Variants in FAM53A observed in about 807,000 individuals in gnomAD.
FAM53A encodes the protein family with sequence similarity 53 member A.
A neutral mutation model predicts 26.6 loss-of-function variants in FAM53A; 28 were observed. That is an observed-to-expected ratio of 1.05 (90% CI 0.78 to 1.45). FAM53A has a LOEUF of 1.45. Among genes scored for constraint, FAM53A ranks in the 40% most tolerant of loss-of-function variants. The probability of loss-of-function intolerance (pLI) is 0.00; values close to 1 mark genes in which losing one functional copy is unlikely to be tolerated. For synonymous variants in FAM53A, 290 were observed against 253.1 expected, an observed-to-expected ratio of 1.15 and a Z score of -1.38; for missense variants, 650 against 575.8, an observed-to-expected ratio of 1.13 and a Z score of -1.32.
chr4:1,629,153 G>A (rs1305049987), intron 1 of FAM53A, among the ~76,000 whole-genome samples: 1 of 152,032 alleles, frequency 6.6e-6, no homozygotes, highest in Non-Finnish European at 1.5e-5. Context: ...AAGGAGCAGG[G>A]TCCCTGGGGC....
the FAM53A span, among the ~76,000 whole-genome samples, chr4:1,587,463 G>A: frequency 6.6e-6 from 1 of 152,196 alleles, no homozygotes; most frequent in African/African-American, 2.4e-5. Flanking sequence ...TTTGAGGCCA[G>A]GAGTTCAAGA....
downstream of FAM53A, among the ~76,000 whole-genome samples, chr4:1,615,880 G>A (rs540098843): frequency 2.0e-5 from 3 of 152,328 alleles, no homozygotes; most frequent in East Asian, 1.9e-4. Flanking sequence ...ACAGAGCAGC[G>A]ACGTTAGGGC....
chr4:1,623,857 GGAGGGTGGCGTT>G, intron 1 of FAM53A, among the ~76,000 whole-genome samples: 1 of 152,214 alleles, frequency 6.6e-6, no homozygotes, highest in Non-Finnish European at 1.5e-5. Context: ...AAAAAGTTGA[GGAGGGTGGCGTT>G]GATGGGCTCC....
At chr4:1,680,042 C>T (rs1467137073) in intron 1 of FAM53A, among the ~76,000 whole-genome samples, 3 of 146,466 alleles carry the variant, frequency 2.0e-5, no homozygotes, top group African/African-American at 7.6e-5. Flanking sequence ...AAAAAAAGTC[C>T]GGGCACGGTG....
intron 4 of FAM53A, among the ~76,000 whole-genome samples, chr4:1,646,108 T>C (rs1712217502): frequency 1.3e-5 from 2 of 151,690 alleles, no homozygotes; most frequent in Non-Finnish European, 2.9e-5. Flanking sequence ...CAGAACTCTT[T>C]TTTTTTTTTT....
At chr4:1,593,079 G>T in the FAM53A span, among the ~76,000 whole-genome samples, 9 of 152,266 alleles carry the variant, frequency 5.9e-5, no homozygotes, top group South Asian at 1.7e-3. Context: ...CGCAGCAGAG[G>T]GTCGGGCTTT....
At chr4:1,612,772 T>G in the FAM53A span, among the ~76,000 whole-genome samples, 1 of 152,168 alleles carries the variant, frequency 6.6e-6, no homozygotes, top group African/African-American at 2.4e-5. Flanking sequence ...AGTGCACACA[T>G]GTACACACCT....
intron 1 of FAM53A, among the ~76,000 whole-genome samples, chr4:1,627,027 C>T (rs1427766596): frequency 6.6e-6 from 1 of 152,170 alleles, no homozygotes; most frequent in Non-Finnish European, 1.5e-5. Flanking sequence ...AACCATGGGC[C>T]CAGTGAGGCC....
intron 2 of FAM53A, among the ~76,000 whole-genome samples, chr4:1,660,828 C>T (rs903305831): frequency 2.0e-5 from 3 of 150,944 alleles, no homozygotes; most frequent in Non-Finnish European, 4.4e-5. Flanking sequence ...TTGCAGTGAG[C>T]GGAGATCACG....
At chr4:1,637,355 C>T (rs1715889590), downstream of FAM53A, among the ~76,000 whole-genome samples, 1 of 152,198 alleles carries the variant, frequency 6.6e-6, no homozygotes, top group South Asian at 2.1e-4. Flanking sequence ...CCGTCCCCAC[C>T]TCCCCGGGTC....
Position 1,640,053 on chromosome 4 carries a change from A to G in FAM53A, c.*1240T>C, listed in dbSNP as rs1711537604. ...GAAACGAAAATTAATCAGAAGTCGTATGCACAAAGCAAAGGCCTTGTATTA... is the reference window on the plus strand; with the variant it reads ...GAAACGAAAATTAATCAGAAGTCGTGTGCACAAAGCAAAGGCCTTGTATTA... On this transcript the variant is annotated 3_prime_UTR_variant, in exon 5 of 5. Transcript: ENST00000308132. 1 of 152,336 alleles carries G rather than the reference A, an allele frequency of 6.6e-6. No homozygotes were observed. Among genetic ancestry groups the G allele is most frequent in the Non-Finnish European group, 1.5e-5 (1 of 68,098 alleles). 9.4% of individuals were successfully genotyped at this position (152,336 alleles called of 1,614,324 possible). A position where few individuals can be genotyped will look rare whatever the true frequency, so the allele number is the denominator to read the frequency against.
chr4:1,640,787 C>T lies in FAM53A; in HGVS notation c.*506G>A, dbSNP rs1711614776. ...GTGCCGGTGGCAGCCATGGCCCCGA[C>T]CAGCTCACAGGAAACCTACTCTGTG... On this transcript the variant is annotated 3_prime_UTR_variant, in exon 5 of 5. Coordinates refer to ENST00000308132, the MANE Select transcript of FAM53A (RefSeq NM_001174070.3). 2.5e-6 allele frequency: 1 copy of T among 394,170 alleles called. No individual in the cohort carries two copies. The highest frequency in any genetic ancestry group is 2.3e-5 in the African/African-American group (1 of 43,328). The allele number at this position is 394,170 out of a possible 1,614,324, so 24.4% of individuals were successfully genotyped here.
chr4:1,621,971 G>A (rs1268096824), intron 1 of FAM53A, among the ~76,000 whole-genome samples: 1 of 152,174 alleles, frequency 6.6e-6, no homozygotes, highest in African/African-American at 2.4e-5. Flanking sequence ...TGAACGAATC[G>A]ATGCTGCTGT....
At chr4:1,632,620 G>C (rs1181157446) in intron 1 of FAM53A, among the ~76,000 whole-genome samples, 1 of 152,266 alleles carries the variant, frequency 6.6e-6, no homozygotes, top group African/African-American at 2.4e-5. Context: ...CGGGGACAAA[G>C]CTGGAACGAA....
At chr4:1,580,536 T>G in the FAM53A span, among the ~76,000 whole-genome samples, 2 of 7,882 alleles carry the variant, frequency 2.5e-4, no homozygotes, top group Non-Finnish European at 5.4e-4. Flanking sequence ...GGACCCCGCC[T>G]CCACTCAGGG....
At chr4:1,576,922 G>A in the FAM53A span, among the ~76,000 whole-genome samples, 2 of 152,220 alleles carry the variant, frequency 1.3e-5, no homozygotes, top group East Asian at 3.8e-4. Flanking sequence ...AACGAGGGGT[G>A]AGTCAGAGCT....
chr4:1,585,435 T>G, the FAM53A span, among the ~76,000 whole-genome samples: 4 of 152,044 alleles, frequency 2.6e-5, no homozygotes, highest in African/African-American at 9.7e-5. Flanking sequence ...TACAGGCGCA[T>G]GCCACCACAC....
At chr4:1,606,943 C>T in the FAM53A span, among the ~76,000 whole-genome samples, 1 of 152,236 alleles carries the variant, frequency 6.6e-6, no homozygotes, top group Non-Finnish European at 1.5e-5. Flanking sequence ...AGCTGTACCA[C>T]CTCACGTTCC....
chr4:1,649,876 T>TGTTTGTGAGGTGGCACAGGCGTGGC (rs1712598419), intron 4 of FAM53A, among the ~76,000 whole-genome samples: 9 of 143,906 alleles, frequency 6.3e-5, no homozygotes, highest in East Asian at 2.1e-4. Flanking sequence ...ACAGGCGTGG[T>TGTTTGTGAGGTGGCACAGGCGTGGC]GTTTGTGAGG....
Sources: gnomAD v4.1 joint callset for allele counts (sites outside exome capture counted in the v4.1 genomes callset) on GRCh38, gnomAD v4.1.1 for gene constraint, MANE v1.5 for transcripts, NCBI Gene and HGNC (gene_info 2026-07-23, HGNC 2026-07-21) for gene names.